CELF2: variants seen among roughly 807,000 people sequenced by gnomAD.
The protein encoded by CELF2 is CUGBP Elav-like family member 2.
CELF2 carries 8 observed loss-of-function variants against 62.6 expected under a neutral mutation model. The ratio of observed to expected loss-of-function variants is 0.13; its 90% CI spans 0.07 to 0.23. The LOEUF is 0.23. Ranked by LOEUF, CELF2 falls within the 10% of genes least tolerant of loss-of-function variation. The pLI is 1.00. For missense variants in CELF2, 333 were observed against 671.0 expected (o/e 0.50, Z 5.56); for synonymous variants, 258 against 250.0 (o/e 1.03, Z -0.30).
chr10:11,092,242 C>G (rs984972611), intron 1 of CELF2: 10 of 152,218 alleles, frequency 6.6e-5, no homozygotes, highest in African/African-American at 1.7e-4. Flanking sequence ...GTGTTTGCTT[C>G]TCCCCCTCAA....
intron 1 of CELF2, among the ~76,000 whole-genome samples, chr10:11,063,068 A>G (rs943229819): frequency 6.6e-6 from 1 of 152,204 alleles, no homozygotes; most frequent in African/African-American, 2.4e-5. Flanking sequence ...TAACATTAAG[A>G]TACGTACTTT....
rs2062900814 is a variant in CELF2 at position 11,046,633 on chromosome 10, T to C, written c.74+28470T>C. 6.6e-6 allele frequency among the ~76,000 whole-genome samples: 1 copy of C among 152,174 alleles called. No individual in the cohort carries two copies. The highest frequency in any genetic ancestry group is 6.5e-5 in the Admixed American group (1 of 15,280). The stretch of plus-strand genomic sequence containing the variant: ...ACTCCAAGGTTCTCCTCATTTACCC[T>C]TTCTTTTCCTAACTCATTTCAGACG... On this transcript the variant is annotated intron_variant, in intron 1 of 12. Coordinates refer to ENST00000633077, the MANE Select transcript of CELF2 (RefSeq NM_001326342.2). This position sits in a 1 kb window ranked among gnomAD's most constrained non-coding sequence, Gnocchi z 4.6.
At chr10:10,649,333 T>G in the CELF2 span, among the ~76,000 whole-genome samples, 1 of 152,184 alleles carries the variant, frequency 6.6e-6, no homozygotes, top group Non-Finnish European at 1.5e-5. Flanking sequence ...TGTAATTAGA[T>G]AGCGGGCTGG....
At chr10:10,616,800 G>A in the CELF2 span, among the ~76,000 whole-genome samples, 1 of 151,674 alleles carries the variant, frequency 6.6e-6, no homozygotes. Context: ...ATAGCTCACT[G>A]CAGGCTCGAA....
chr10:10,969,791 G>T (rs1249895019), intron 2 of CELF2, among the ~76,000 whole-genome samples: 1 of 152,156 alleles, frequency 6.6e-6, no homozygotes, highest in Admixed American at 6.5e-5. Context: ...ATAAACGAAG[G>T]TGTTTATCCC....
chr10:10,499,071 T>G, the CELF2 span, among the ~76,000 whole-genome samples: 2 of 114,808 alleles, frequency 1.7e-5, no homozygotes, highest in African/African-American at 1.1e-4. Context: ...GCATTCTACT[T>G]TTTTTTTTTT....
intron 1 of CELF2, among the ~76,000 whole-genome samples, chr10:11,091,775 A>G (rs112925521): frequency 2.0e-5 from 3 of 152,356 alleles, no homozygotes; most frequent in African/African-American, 7.2e-5. Flanking sequence ...ATGAATGACT[A>G]AACATGAACT....
chr10:11,020,485 T>G (rs1017295244), intron 1 of CELF2, among the ~76,000 whole-genome samples: 1 of 152,210 alleles, frequency 6.6e-6, no homozygotes, highest in African/African-American at 2.4e-5. Flanking sequence ...GTTGTAAGTT[T>G]TATTGCCATA....
At chr10:10,765,479 A>G in the CELF2 span, among the ~76,000 whole-genome samples, 1 of 152,188 alleles carries the variant, frequency 6.6e-6, no homozygotes, top group Non-Finnish European at 1.5e-5. Flanking sequence ...CCTATCCGCC[A>G]CACTTACCTG....
At chr10:10,835,099 T>C (rs2058171404) in intron 1 of CELF2, among the ~76,000 whole-genome samples, 1 of 152,184 alleles carries the variant, frequency 6.6e-6, no homozygotes, top group Non-Finnish European at 1.5e-5. Flanking sequence ...GCCTCCTCAC[T>C]AAGCTTTGCA....
At chr10:10,933,602 C>T (rs1448403393) in intron 2 of CELF2, among the ~76,000 whole-genome samples, 1 of 152,066 alleles carries the variant, frequency 6.6e-6, no homozygotes, top group East Asian at 1.9e-4. Flanking sequence ...CCTCTCATCC[C>T]CACCCCACCC....
At chr10:11,091,922 C>A (rs2048431041) in intron 1 of CELF2, among the ~76,000 whole-genome samples, 1 of 152,142 alleles carries the variant, frequency 6.6e-6, no homozygotes, top group Non-Finnish European at 1.5e-5. Flanking sequence ...TTTGCAGAAC[C>A]AGGTATTTAC....
At chr10:10,847,121 A>T (rs2059063825) in intron 1 of CELF2, among the ~76,000 whole-genome samples, 1 of 151,972 alleles carries the variant, frequency 6.6e-6, no homozygotes, top group Non-Finnish European at 1.5e-5. Context: ...GGAAACACAC[A>T]CAAAATTAGA....
chr10:10,832,410 A>G (rs1240100949), intron 1 of CELF2, among the ~76,000 whole-genome samples: 1 of 152,206 alleles, frequency 6.6e-6, no homozygotes, highest in Admixed American at 6.5e-5. Flanking sequence ...GGGCCTTTCC[A>G]AAGATCCCAG....
intron 1 of CELF2, among the ~76,000 whole-genome samples, chr10:11,149,340 G>A (rs1457893523): frequency 2.0e-5 from 3 of 152,148 alleles, no homozygotes; most frequent in Non-Finnish European, 4.4e-5. Flanking sequence ...AAAGTGCTGC[G>A]ATAACAGGCA....
At chr10:10,825,079 C>T (rs1487134940) in intron 1 of CELF2, among the ~76,000 whole-genome samples, 1 of 152,196 alleles carries the variant, frequency 6.6e-6, no homozygotes, top group Non-Finnish European at 1.5e-5. Context: ...GGCTGTTTCA[C>T]AATCGGAAAT....
At chr10:11,032,434 AAAAAAT>A (rs1386735191) in intron 1 of CELF2, among the ~76,000 whole-genome samples, 11 of 152,264 alleles carry the variant, frequency 7.2e-5, no homozygotes, top group African/African-American at 2.6e-4. Flanking sequence ...CCTGTCCCTA[AAAAAAT>A]AAAAATAAGA....
intron 1 of CELF2, among the ~76,000 whole-genome samples, chr10:11,119,918 A>G (rs1243818847): frequency 1.4e-5 from 2 of 138,018 alleles, no homozygotes; most frequent in African/African-American, 2.8e-5. Context: ...TGCATATAAT[A>G]GAATTCATCG....
the CELF2 span, among the ~76,000 whole-genome samples, chr10:10,697,101 C>G: frequency 6.8e-6 from 1 of 146,988 alleles, no homozygotes; most frequent in Non-Finnish European, 1.5e-5. Flanking sequence ...ATGATGATGT[C>G]CTGCTTTAGA....
Sources: gnomAD v4.1 joint callset for allele counts (sites outside exome capture counted in the v4.1 genomes callset) on GRCh38, gnomAD v4.1.1 for gene constraint, Gnocchi (gnomAD v3.1) non-coding constraint, MANE v1.5 for transcripts, NCBI Gene and HGNC (gene_info 2026-07-23, HGNC 2026-07-21) for gene names.